The following BABAM2 variants were observed in gnomAD, a reference collection of about 807,000 sequenced individuals.
BABAM2 encodes BRISC and BRCA1 A complex member 2, also known as BRISC and BRCA1-A complex member 2.
Under a neutral mutation model 54.7 loss-of-function variants are expected in BABAM2, and 31 were observed. The ratio of observed to expected loss-of-function variants is 0.57; its 90% confidence interval spans 0.43 to 0.77. BABAM2 has a LOEUF of 0.77. Among genes scored for constraint, BABAM2 ranks in the 30% least tolerant of loss-of-function variants. BABAM2 has a pLI of 0.00. For synonymous variants in BABAM2, 167 were observed against 162.9 expected (o/e 1.03, Z -0.19); for missense variants, 364 against 455.8 (o/e 0.80, Z 1.83).
At chr2:28,042,762 A>G (rs1297665037) in intron 5 of BABAM2, among the ~76,000 whole-genome samples, 1 of 152,128 alleles carries the variant, frequency 6.6e-6, no homozygotes, top group East Asian at 1.9e-4. Flanking sequence ...AGTGAATGGA[A>G]ACATTTTAAA....
In BABAM2 at chr2:27,924,033, C is replaced by T. The variant is rs559551286; in HGVS notation, c.129-5799C>T. ...AATCTTGTAAAAATCATTTCAAATC[C>T]GGCCACATTTTGGTTACTCTCCTTC... On this transcript the variant is annotated intron_variant, in intron 2 of 11. Transcript: ENST00000379624. Among the ~76,000 whole-genome samples, 5 of 152,168 alleles carry T rather than the reference C, an allele frequency of 3.3e-5. No individual in the cohort carries two copies. The East Asian group carries it at 5.8e-4, about 18-fold the overall frequency.
intron 3 of BABAM2, among the ~76,000 whole-genome samples, chr2:27,939,767 G>T (rs1485569931): frequency 6.6e-6 from 1 of 152,158 alleles, no homozygotes; most frequent in Non-Finnish European, 1.5e-5. Flanking sequence ...TTGGAAAATA[G>T]TACTTCTGTA....
rs1558347355 is a variant in BABAM2, at chr2:28,112,193, C to CCTTCCTTCCTTCCTTCCTTCCTT, written c.571-17077_571-17076insTTCCTTCCTTCCTTCCTTCCTTC. On this transcript the variant is annotated intron_variant, in intron 6 of 11. Coordinates refer to ENST00000379624, the MANE Select transcript of BABAM2 (RefSeq NM_199191.3). ...TCCCTCCCTCCCTCCCTCCCTCCCT[C>CCTTCCTTCCTTCCTTCCTTCCTT]CCTCCCTTCCTTCCTTCCTTCCTTC... Among the ~76,000 whole-genome samples the CCTTCCTTCCTTCCTTCCTTCCTT allele has an allele frequency of 1.4e-3, 43 of 30,760 alleles. 2 individuals are homozygous for CCTTCCTTCCTTCCTTCCTTCCTT. The highest frequency in any genetic ancestry group is 7.6e-3 in the African/African-American group (40 of 5,252). 20.2% of individuals were successfully genotyped at this position (30,760 alleles called of 152,430 possible).
intron 4 of BABAM2, among the ~76,000 whole-genome samples, chr2:28,021,383 C>T (rs1051653046): frequency 1.3e-5 from 2 of 152,062 alleles, no homozygotes; most frequent in African/African-American, 4.8e-5. Context: ...TGTGCAGGCC[C>T]TGTGTGGGGG....
chr2:28,222,706 TTA>T (rs1186568997), intron 7 of BABAM2, among the ~76,000 whole-genome samples: 1 of 152,226 alleles, frequency 6.6e-6, no homozygotes, highest in African/African-American at 2.4e-5. Flanking sequence ...CCAACCTCAA[TTA>T]TATTTGGCCA....
chr2:28,160,143 A>G (rs1465444382), intron 7 of BABAM2, among the ~76,000 whole-genome samples: 4 of 152,066 alleles, frequency 2.6e-5, no homozygotes, highest in Admixed American at 6.5e-5. Flanking sequence ...CACCATGCCC[A>G]GCTAAGTATT....
chr2:28,284,113 C>G (rs1213089561), intron 10 of BABAM2, among the ~76,000 whole-genome samples: 1 of 152,162 alleles, frequency 6.6e-6, no homozygotes, highest in African/African-American at 2.4e-5. Context: ...AGTTTATTCT[C>G]TTTGAGTTAG....
chr2:27,920,745 G>A (rs1481438825), intron 2 of BABAM2, among the ~76,000 whole-genome samples: 3 of 152,164 alleles, frequency 2.0e-5, no homozygotes, highest in South Asian at 4.1e-4. Context: ...GGAAACTGAC[G>A]TAGACTCAGG....
chr2:28,073,710 A>G (rs1253878931), intron 6 of BABAM2, among the ~76,000 whole-genome samples: 1 of 152,022 alleles, frequency 6.6e-6, no homozygotes, highest in Non-Finnish European at 1.5e-5. Context: ...TGTATTGTGG[A>G]CTCACCACAT....
At chr2:28,196,050 G>C (rs1246861968) in intron 7 of BABAM2, among the ~76,000 whole-genome samples, 1 of 152,158 alleles carries the variant, frequency 6.6e-6, no homozygotes, top group Non-Finnish European at 1.5e-5. Flanking sequence ...ATTTTTGGCT[G>C]GGCGTGGTGG....
At chr2:27,941,399 AC>A (rs1668868934) in intron 3 of BABAM2, among the ~76,000 whole-genome samples, 1 of 152,110 alleles carries the variant, frequency 6.6e-6, no homozygotes, top group Admixed American at 6.5e-5. Flanking sequence ...TACTAAAAAT[AC>A]AAAAGATTAG....
intron 3 of BABAM2, among the ~76,000 whole-genome samples, chr2:27,969,871 C>T (rs1015561648): frequency 2.6e-5 from 4 of 152,018 alleles, no homozygotes; most frequent in African/African-American, 9.7e-5. Context: ...TTATCCATCC[C>T]CAAATGTCAG....
intron 7 of BABAM2, among the ~76,000 whole-genome samples, chr2:28,204,895 T>C (rs936921527): frequency 6.6e-6 from 1 of 152,088 alleles, no homozygotes; most frequent in East Asian, 1.9e-4. Context: ...GGACCTTGCA[T>C]GTTAACTAAT....
rs138790084 is a variant in BABAM2, at chr2:28,115,619, C to T, written c.571-13652C>T. Among the ~76,000 whole-genome samples, 16 of 150,690 alleles carry T rather than the reference C, an allele frequency of 1.1e-4. No individual in the cohort carries two copies. The East Asian group carries it at 2.4e-3, about 22-fold the overall frequency. On this transcript the variant is annotated intron_variant, in intron 6 of 11. Transcript: ENST00000379624. ...CCAGCCTGGTGGACAGAGCAAGAAT[C>T]GTCTCAAAAAATAAATAAATAAAAA...
chr2:28,199,545 T>C (rs1469543468), intron 7 of BABAM2, among the ~76,000 whole-genome samples: 1 of 152,204 alleles, frequency 6.6e-6, no homozygotes, highest in Non-Finnish European at 1.5e-5. Flanking sequence ...TAGACTATAA[T>C]TAGGGCCCGG....
rs971737177 is a variant in BABAM2 at position 27,956,135 on chromosome 2, T to C, written c.205+26227T>C. On this transcript the variant is annotated intron_variant, in intron 3 of 11. Transcript: ENST00000379624. Reference sequence around the variant, plus strand: ...ACAGATCTTTTATACTTCTGAGTTGTCTTCTTTTCATCTTTACGAAAACCA... The same window carrying C: ...ACAGATCTTTTATACTTCTGAGTTGCCTTCTTTTCATCTTTACGAAAACCA... Among the ~76,000 whole-genome samples the C allele has an allele frequency of 3.9e-5, 6 of 152,188 alleles. No homozygotes were observed. In the East Asian group the frequency reaches 5.8e-4, roughly 15 times the overall value.
intron 1 of BABAM2, among the ~76,000 whole-genome samples, chr2:27,891,666 T>C (rs1030327465): frequency 5.3e-5 from 8 of 151,938 alleles, no homozygotes. Context: ...AAGTGACTTC[T>C]GATTTTGGAG....
chr2:28,126,482 T>C (rs1274766662), intron 6 of BABAM2, among the ~76,000 whole-genome samples: 124 of 146,752 alleles, frequency 8.4e-4, no homozygotes, highest in Non-Finnish European at 1.3e-3. Context: ...CTCATCATTT[T>C]TTATGGCTGC....
At position 28,294,150 on chromosome 2, in the gene BABAM2, G is replaced by A. The variant is rs1239222057; in HGVS notation, c.935-4188G>A. The stretch of plus-strand genomic sequence containing the variant: ...AATCCCAGCACTTTGGGAGGCTGAG[G>A]CGGGCAAGTCACAAGGTCAGGAGTT... On this transcript the variant is annotated intron_variant, in intron 10 of 11. Transcript: ENST00000379624. Among the ~76,000 whole-genome samples the A allele has an allele frequency of 8.5e-5, 13 of 152,288 alleles. No homozygotes were observed. The South Asian group carries it at 2.7e-3, about 32-fold the overall frequency.
Sources: allele counts gnomAD v4.1 joint callset (sites outside exome capture counted in the v4.1 genomes callset), GRCh38; gene constraint gnomAD v4.1.1; transcripts MANE v1.5; gene names NCBI Gene and HGNC (gene_info 2026-07-23, HGNC 2026-07-21).